The following ZNF804B variants were observed in gnomAD, a reference collection of about 807,000 sequenced individuals.
ZNF804B encodes the protein zinc finger protein 804B.
In ZNF804B, 80 loss-of-function variants were observed where a neutral mutation model predicts 101.4. That is an observed-to-expected ratio of 0.79 (90% CI 0.66 to 0.95). The LOEUF (loss-of-function observed/expected upper bound fraction) is 0.95, where lower values mean the gene tolerates loss of function less well. Among genes scored for constraint, ZNF804B ranks in the 40% least tolerant of loss-of-function variants. The pLI is 0.00. For synonymous variants in ZNF804B, 622 were observed against 558.8 expected (o/e 1.11, Z -1.59); for missense variants, 1,673 against 1,561.9 (o/e 1.07, Z -1.20).
chr7:89,080,907 A>G (rs1430985856), intron 1 of ZNF804B, among the ~76,000 whole-genome samples: 1 of 151,978 alleles, frequency 6.6e-6, no homozygotes, highest in African/African-American at 2.4e-5. Flanking sequence ...GCTAAAATCC[A>G]TCTACAGAAA....
chr7:88,916,909 G>A (rs1035476672), intron 1 of ZNF804B, among the ~76,000 whole-genome samples: 1 of 152,078 alleles, frequency 6.6e-6, no homozygotes, highest in Admixed American at 6.6e-5. Context: ...ATGAAAGATG[G>A]TGTGTTGAAA....
intron 1 of ZNF804B, among the ~76,000 whole-genome samples, chr7:88,836,183 G>A (rs190638872): frequency 1.1e-3 from 171 of 152,040 alleles, no homozygotes; most frequent in African/African-American, 3.9e-3. Context: ...AGGTTAGCCA[G>A]GTTCCAAAAA....
At chr7:89,235,396 C>T (rs908869987) in intron 2 of ZNF804B, among the ~76,000 whole-genome samples, 7 of 152,064 alleles carry the variant, frequency 4.6e-5, no homozygotes, top group African/African-American at 9.7e-5. Flanking sequence ...GAACTTCACA[C>T]GAAGTAATGG....
At chr7:88,908,543 C>A (rs118070955) in intron 1 of ZNF804B, among the ~76,000 whole-genome samples, 1 of 151,906 alleles carries the variant, frequency 6.6e-6, no homozygotes, top group East Asian at 1.9e-4. Context: ...CATATTCATG[C>A]ATCATTTTCA....
chr7:89,016,740 G>C (rs1410880803), intron 1 of ZNF804B, among the ~76,000 whole-genome samples: 2 of 152,114 alleles, frequency 1.3e-5, no homozygotes. Flanking sequence ...GGTTACTGTA[G>C]CCTTGTAGTA....
chr7:89,134,626 A>G (rs1257688182), intron 1 of ZNF804B, among the ~76,000 whole-genome samples: 1 of 151,924 alleles, frequency 6.6e-6, no homozygotes, highest in African/African-American at 2.4e-5. Flanking sequence ...TGCTTCCCCA[A>G]TTTCCTGCCT....
intron 1 of ZNF804B, among the ~76,000 whole-genome samples, chr7:88,871,986 T>C (rs543685882): frequency 1.3e-5 from 2 of 151,902 alleles, no homozygotes; most frequent in South Asian, 2.1e-4. Flanking sequence ...AAGTGAAAAC[T>C]GAAGTGAAAG....
At chr7:89,055,737 A>G (rs1239674702) in intron 1 of ZNF804B, among the ~76,000 whole-genome samples, 3 of 152,070 alleles carry the variant, frequency 2.0e-5, no homozygotes, top group Non-Finnish European at 2.9e-5. Context: ...TATGGCAGCC[A>G]GGGAAACCTT....
At chr7:89,291,442 T>A (rs1114733) in intron 2 of ZNF804B, among the ~76,000 whole-genome samples, 139,248 of 152,290 alleles carry the variant, frequency 0.91, 63,811 homozygotes, top group East Asian at 1. Context: ...GAAATAATTA[T>A]AAAGAATTAA....
chr7:89,099,813 T>C (rs758074182), intron 1 of ZNF804B, among the ~76,000 whole-genome samples: 1 of 152,142 alleles, frequency 6.6e-6, no homozygotes, highest in Non-Finnish European at 1.5e-5. Context: ...AGAGATGAGA[T>C]GTAATACAGA....
chr7:89,248,970 A>T (rs1789493940), intron 2 of ZNF804B, among the ~76,000 whole-genome samples: 1 of 151,242 alleles, frequency 6.6e-6, no homozygotes, highest in African/African-American at 2.5e-5. Context: ...CAGAACACAC[A>T]AAAAAAGGCA....
At chr7:88,775,148 T>G (rs6950564) in intron 1 of ZNF804B, among the ~76,000 whole-genome samples, 67,106 of 152,034 alleles carry the variant, frequency 0.44, 16,605 homozygotes, top group African/African-American at 0.67. Flanking sequence ...AAAATTCTTG[T>G]GAAGATAAGT....
chr7:88,975,211 G>A (rs1323139493), intron 1 of ZNF804B, among the ~76,000 whole-genome samples: 2 of 151,300 alleles, frequency 1.3e-5, no homozygotes, highest in East Asian at 3.9e-4. Flanking sequence ...GTAAACTTTG[G>A]CTGTTGTGAA....
chr7:89,071,974 A>G (rs1218783661), intron 1 of ZNF804B, among the ~76,000 whole-genome samples: 2 of 152,178 alleles, frequency 1.3e-5, no homozygotes, highest in East Asian at 1.9e-4. Context: ...CAAAGACCAT[A>G]ATCCTTGCTG....
At chr7:89,068,539 A>G (rs1583967805) in intron 1 of ZNF804B, among the ~76,000 whole-genome samples, 2 of 152,254 alleles carry the variant, frequency 1.3e-5, no homozygotes, top group East Asian at 3.9e-4. Context: ...TTACCCTGAC[A>G]TTTTTCAAAC....
chr7:89,147,605 G>A (rs1790810793), intron 1 of ZNF804B, among the ~76,000 whole-genome samples: 1 of 151,964 alleles, frequency 6.6e-6, no homozygotes. Context: ...TTGCCTGTTA[G>A]GAACCAGGCC....
intron 2 of ZNF804B, among the ~76,000 whole-genome samples, chr7:89,242,424 A>G (rs1319993052): frequency 1.3e-5 from 2 of 151,882 alleles, no homozygotes; most frequent in Non-Finnish European, 2.9e-5. Context: ...CAACCTAATA[A>G]ATAGTTATGG....
At chr7:89,215,054 G>A (rs1788869015) in intron 1 of ZNF804B, among the ~76,000 whole-genome samples, 1 of 152,108 alleles carries the variant, frequency 6.6e-6, no homozygotes. Context: ...TGTATGTTTT[G>A]TGGTAGAATT....
At chr7:88,839,233 T>C (rs544934815) in intron 1 of ZNF804B, among the ~76,000 whole-genome samples, 7 of 152,148 alleles carry the variant, frequency 4.6e-5, no homozygotes, top group African/African-American at 1.4e-4. Context: ...ATTCTTGTGA[T>C]GGAGTCCCTT....
Sources: gnomAD v4.1 joint callset for allele counts (sites outside exome capture counted in the v4.1 genomes callset) on GRCh38, gnomAD v4.1.1 for gene constraint, MANE v1.5 for transcripts, NCBI Gene and HGNC (gene_info 2026-07-23, HGNC 2026-07-21) for gene names.